Variants in HDAC4 observed in about 807,000 individuals in gnomAD.
The protein encoded by HDAC4 is histone deacetylase A.
Under a neutral mutation model 135.1 loss-of-function variants are expected in HDAC4, and 16 were observed. The ratio of observed to expected loss-of-function variants is 0.12; its 90% CI spans 0.08 to 0.18. The LOEUF is 0.18. Among genes scored for constraint, HDAC4 ranks in the 10% least tolerant of loss-of-function variants. The pLI is 1.00. For missense variants in HDAC4, 1,143 were observed against 1,511.8 expected, an observed-to-expected ratio of 0.76 and a Z score of 4.05; for synonymous variants, 685 against 653.4, an observed-to-expected ratio of 1.05 and a Z score of -0.74.
chr2:239,229,364 C>A (rs1418908760), intron 3 of HDAC4, among the ~76,000 whole-genome samples: 2 of 152,160 alleles, frequency 1.3e-5, no homozygotes, highest in African/African-American at 4.8e-5. Context: ...CTATTCATAC[C>A]GGCCCTCAGG....
At chr2:239,055,195 C>T (rs1030451684) in intron 24 of HDAC4, 11 of 303,890 alleles carry the variant, frequency 3.6e-5, no homozygotes, top group Non-Finnish European at 7.1e-5. Flanking sequence ...TTTCCTTTGT[C>T]TTTTATTAAT....
intron 13 of HDAC4, 58 bp downstream of exon 13, chr2:239,114,994 TG>T: frequency 6.3e-7 from 1 of 1,593,894 alleles, no homozygotes. Context: ...AGATGCCACC[TG>T]GGGACCGAGG....
chr2:239,206,609 A>C (rs911182868), intron 3 of HDAC4, among the ~76,000 whole-genome samples: 2 of 152,146 alleles, frequency 1.3e-5, no homozygotes, highest in African/African-American at 4.8e-5. Flanking sequence ...CCTAGGAAGG[A>C]AAACTCTGTG....
At chr2:239,084,508 G>T (rs971732378) in intron 19 of HDAC4, among the ~76,000 whole-genome samples, 1 of 148,652 alleles carries the variant, frequency 6.7e-6, no homozygotes, top group Non-Finnish European at 1.5e-5. Flanking sequence ...ACAAGCCACT[G>T]GGGAATCTTA....
At chr2:239,213,746 A>AAC (rs750735844) in intron 3 of HDAC4, among the ~76,000 whole-genome samples, 19 of 152,240 alleles carry the variant, frequency 1.2e-4, no homozygotes, top group Non-Finnish European at 2.8e-4. Context: ...AAAAGCATGG[A>AAC]ACACACACTG....
intron 7 of HDAC4, among the ~76,000 whole-genome samples, chr2:239,145,496 G>T (rs12463565): frequency 6.6e-6 from 1 of 152,168 alleles, no homozygotes; most frequent in Admixed American, 6.5e-5. Context: ...TCCGGCGCGA[G>T]GCCCGCCTTG....
chr2:239,200,399 C>A (rs752099942), intron 3 of HDAC4, among the ~76,000 whole-genome samples: 6 of 152,120 alleles, frequency 3.9e-5, no homozygotes, highest in African/African-American at 1.4e-4. Flanking sequence ...AAAGTAGAGA[C>A]GAGGTAGAGA....
At chr2:239,207,786 T>A (rs903836702) in intron 3 of HDAC4, among the ~76,000 whole-genome samples, 1 of 152,156 alleles carries the variant, frequency 6.6e-6, no homozygotes, top group Admixed American at 6.5e-5. Context: ...AACTAATGGA[T>A]CATGCAACTT....
chr2:239,097,542 T>A (rs1020491396), intron 16 of HDAC4, among the ~76,000 whole-genome samples: 6 of 152,214 alleles, frequency 3.9e-5, no homozygotes, highest in Non-Finnish European at 7.3e-5. Context: ...CCCGCAGGCA[T>A]GTTGGCCCTG....
chr2:239,190,921 G>C (rs780000110), intron 3 of HDAC4: 9 of 467,452 alleles, frequency 1.9e-5, no homozygotes, highest in Non-Finnish European at 3.5e-5. Context: ...CCCGACCTGC[G>C]CACCCCTTTT....
At chr2:239,385,642 C>T (rs1012377770) in intron 1 of HDAC4, among the ~76,000 whole-genome samples, 1 of 152,244 alleles carries the variant, frequency 6.6e-6, no homozygotes, top group African/African-American at 2.4e-5. Context: ...GGAACACGCA[C>T]ACGCCTGTCC....
chr2:239,176,077 C>T (rs529321139), intron 5 of HDAC4, among the ~76,000 whole-genome samples: 7 of 152,160 alleles, frequency 4.6e-5, no homozygotes, highest in Admixed American at 4.6e-4. Context: ...GGCTCAGCTG[C>T]CCCTAGATCT....
chr2:239,053,587 A>T lies in HDAC4; in HGVS notation c.3103T>A (p.Cys1035Ser). The T allele has an allele frequency of 6.2e-7, 1 of 1,613,802 alleles. No homozygotes were observed. Among genetic ancestry groups the T allele is most frequent in the Non-Finnish European group, 8.5e-7 (1 of 1,179,972 alleles). The change falls in exon 26 of 27, where the codon TGC becomes AGC. Residue 1035 changes from cysteine to serine, a missense_variant. Cys to Ser is a moderately radical substitution (Grantham distance 112). This residue lies in a region of HDAC4 where 131 missense variants were observed against 130.6 expected (regional missense o/e 1.00). Coordinates refer to ENST00000543185, the MANE Select transcript of HDAC4 (RefSeq NM_001378414.1). ...GCTGTGGAGGTTGTGCGCTGCAGGC[A>T]GCGCCAGTACTTGCCTGGGGTGGTG... Reference protein sequence around the residue: ...VMEIHSKYWRCLQRTTSTAGR... With the variant: ...VMEIHSKYWRSLQRTTSTAGR...
chr2:239,283,713 G>A (rs2050962061), intron 2 of HDAC4, among the ~76,000 whole-genome samples: 3 of 152,198 alleles, frequency 2.0e-5, no homozygotes, highest in East Asian at 1.9e-4. Flanking sequence ...TTCCGCGAGC[G>A]GTAACAGCAG....
At chr2:239,120,321 C>G (rs2039526325) in intron 12 of HDAC4, among the ~76,000 whole-genome samples, 1 of 152,022 alleles carries the variant, frequency 6.6e-6, no homozygotes, top group South Asian at 2.1e-4. Context: ...TGTCGGGAAG[C>G]AGGGAGGCCA....
intron 3 of HDAC4, among the ~76,000 whole-genome samples, chr2:239,194,623 G>A (rs922830865): frequency 1.3e-5 from 2 of 152,214 alleles, no homozygotes; most frequent in Non-Finnish European, 2.9e-5. Context: ...AGGACCCTAT[G>A]GGGGAAGAAA....
chr2:239,139,325 G>A lies in HDAC4; in HGVS notation c.978+359C>T, dbSNP rs1340643988. On this transcript the variant is annotated intron_variant, in intron 9 of 26. Coordinates refer to ENST00000543185, the MANE Select transcript of HDAC4 (RefSeq NM_001378414.1). The surrounding 1 kb of genome is among the most constrained non-coding windows in gnomAD (Gnocchi z 5.3). Reference sequence around the variant, plus strand: ...CACCCTCAGAGCACTGGCGACCACAGCGAGCTGGGCAGCAGGGATCCTGTC... The same window carrying A: ...CACCCTCAGAGCACTGGCGACCACAACGAGCTGGGCAGCAGGGATCCTGTC... Among the ~76,000 whole-genome samples, 1 of 152,216 alleles carries A rather than the reference G, an allele frequency of 6.6e-6. No homozygotes were observed. The highest frequency in any genetic ancestry group is 2.4e-5 in the African/African-American group (1 of 41,450).
chr2:239,261,248 G>A (rs115058447), intron 2 of HDAC4, among the ~76,000 whole-genome samples: 728 of 152,320 alleles, frequency 4.8e-3, no homozygotes, highest in Non-Finnish European at 8.5e-3. Context: ...AGGTACTGCC[G>A]AGGCCTAAAT....
chr2:239,067,030 T>C, intron 23 of HDAC4, 175 bp from the exon 24 acceptor site: 2 of 726,802 alleles, frequency 2.8e-6, no homozygotes, highest in South Asian at 3.5e-5. Flanking sequence ...GGATTTCCTC[T>C]TTGATCTGTT....
Sources: allele counts gnomAD v4.1 joint callset (sites outside exome capture counted in the v4.1 genomes callset), GRCh38; gene constraint gnomAD v4.1.1; regional missense constraint gnomAD v4.1.1; non-coding constraint Gnocchi (gnomAD v3.1); transcripts MANE v1.5; gene names NCBI Gene and HGNC (gene_info 2026-07-23, HGNC 2026-07-21).